The following OSBPL9 variants were observed in gnomAD, a reference collection of about 807,000 sequenced individuals.
OSBPL9 encodes the protein oxysterol binding protein like 9.
OSBPL9 carries 40 observed loss-of-function variants against 106.6 expected under a neutral mutation model. That is an observed-to-expected ratio of 0.38 (90% CI 0.29 to 0.49). The LOEUF (loss-of-function observed/expected upper bound fraction) is 0.49. OSBPL9 is among the 20% of genes least tolerant of loss of function. The pLI is 0.97. For synonymous variants in OSBPL9, 269 were observed against 295.4 expected, an observed-to-expected ratio of 0.91 and a Z score of 0.92; for missense variants, 609 against 887.2, an observed-to-expected ratio of 0.69 and a Z score of 3.98.
intron 3 of OSBPL9, among the ~76,000 whole-genome samples, chr1:51,682,874 TTTTG>T (rs143302151): frequency 0.011 from 1,710 of 151,730 alleles, 32 homozygotes; most frequent in African/African-American, 0.04. Flanking sequence ...GAGACCAGTT[TTTTG>T]TTTGTTTGTT....
In OSBPL9 at chr1:51,748,602, T is replaced by G. The variant is rs535677778; in HGVS notation, c.492+204T>G. Among the ~76,000 whole-genome samples the G allele has an allele frequency of 1.5e-4, 23 of 152,310 alleles. 1 individual carries two copies. The South Asian group carries it at 3.7e-3, about 25-fold the overall frequency. ...ATAAGCCCCTTAATCGAAATTGACT[T>G]CATGTACCATTTACCTGTTTCTGGT... is the stretch of plus-strand genomic sequence containing the variant. On this transcript the variant is annotated intron_variant, in intron 7 of 23. Coordinates refer to ENST00000428468, the MANE Select transcript of OSBPL9 (RefSeq NM_024586.6).
At chr1:51,620,891 G>A (rs916168053) in intron 1 of OSBPL9, among the ~76,000 whole-genome samples, 3 of 152,080 alleles carry the variant, frequency 2.0e-5, no homozygotes, top group East Asian at 1.9e-4. Context: ...TGATAAGACT[G>A]GTTAATTTTG....
chr1:51,585,464 C>G (rs892318947), intron 1 of OSBPL9, among the ~76,000 whole-genome samples: 1 of 152,092 alleles, frequency 6.6e-6, no homozygotes, highest in African/African-American at 2.4e-5. Flanking sequence ...CTTAAGGCAT[C>G]AGGTACAGGT....
intron 11 of OSBPL9, among the ~76,000 whole-genome samples, chr1:51,762,440 C>T (rs1220007468): frequency 1.3e-5 from 2 of 152,110 alleles, no homozygotes; most frequent in African/African-American, 2.4e-5. Context: ...TGGGATTATA[C>T]AAGCATGAGG....
At chr1:51,530,170 C>CAAAAAA in the OSBPL9 span, among the ~76,000 whole-genome samples, 58 of 11,020 alleles carry the variant, frequency 5.3e-3, 6 homozygotes, top group South Asian at 6.8e-3. Flanking sequence ...GACTCTGTCT[C>CAAAAAA]AAAAAAAAAA....
Position 51,746,706 on chromosome 1 carries a change from G to A in OSBPL9, c.415-4G>A, listed in dbSNP as rs770342949. ...TACTATAACCATTTTTTAAAATCTT[G>A]TAGCTTTTTGATGACAAGCTTCAAA... On this transcript the variant is annotated splice_region_variant and splice_polypyrimidine_tract_variant and intron_variant, in intron 5 of 23. Coordinates refer to ENST00000428468, the MANE Select transcript of OSBPL9 (RefSeq NM_024586.6). 6.2e-7 allele frequency: 1 copy of A among 1,603,954 alleles called. No individual in the cohort carries two copies. Among genetic ancestry groups the A allele is most frequent in the Non-Finnish European group, 8.5e-7 (1 of 1,173,740 alleles).
chr1:51,519,131 C>G, the OSBPL9 span: 1 of 1,151,292 alleles, frequency 8.7e-7, no homozygotes, highest in Non-Finnish European at 1.2e-6. Context: ...AAGAAGTCGG[C>G]GAAGCTGAGG....
intron 1 of OSBPL9, among the ~76,000 whole-genome samples, chr1:51,644,281 A>G (rs746906565): frequency 5.9e-5 from 9 of 152,002 alleles, no homozygotes; most frequent in Non-Finnish European, 1.2e-4. Context: ...GATTGATTGG[A>G]TGGAAGAGAG....
intron 2 of OSBPL9, among the ~76,000 whole-genome samples, chr1:51,665,703 T>G (rs1648292247): frequency 6.6e-6 from 1 of 152,146 alleles, no homozygotes; most frequent in African/African-American, 2.4e-5. Context: ...AGTAGGAGAC[T>G]GTTAGCTAGG....
At chr1:51,712,282 A>T (rs574834778) in intron 3 of OSBPL9, among the ~76,000 whole-genome samples, 1 of 152,164 alleles carries the variant, frequency 6.6e-6, no homozygotes, top group African/African-American at 2.4e-5. Flanking sequence ...CGCGCCTGCA[A>T]TCGCAGGCAC....
the OSBPL9 span, among the ~76,000 whole-genome samples, chr1:51,547,253 T>G: frequency 1.3e-5 from 2 of 152,174 alleles, no homozygotes; most frequent in African/African-American, 4.8e-5. Context: ...CTGGTTATCA[T>G]ATGGAGAGGA....
At chr1:51,576,952 T>C (rs1570525102), upstream of OSBPL9, among the ~76,000 whole-genome samples, 1 of 152,190 alleles carries the variant, frequency 6.6e-6, no homozygotes, top group Admixed American at 6.5e-5. Context: ...TCATGTTGAA[T>C]TGTAATTTCC....
chr1:51,755,651 G>A (rs1365735595), intron 8 of OSBPL9, among the ~76,000 whole-genome samples: 1 of 152,200 alleles, frequency 6.6e-6, no homozygotes, highest in African/African-American at 2.4e-5. Flanking sequence ...TTGCGAGATG[G>A]TTTTTGCCCA....
At chr1:51,749,605 C>G in intron 7 of OSBPL9, 2 of 312,730 alleles carry the variant, frequency 6.4e-6, no homozygotes, top group South Asian at 5.3e-5. Context: ...ATCACCATAC[C>G]CAGCCTATCA....
intron 1 of OSBPL9, among the ~76,000 whole-genome samples, chr1:51,646,858 G>A (rs1301834579): frequency 6.6e-6 from 1 of 152,042 alleles, no homozygotes; most frequent in Non-Finnish European, 1.5e-5. Context: ...TATATGGAAG[G>A]TTATGTCTTC....
At chr1:51,736,651 T>C (rs1665772819) in intron 4 of OSBPL9, among the ~76,000 whole-genome samples, 1 of 152,208 alleles carries the variant, frequency 6.6e-6, no homozygotes, top group Non-Finnish European at 1.5e-5. Context: ...ACGTATTTAA[T>C]GTTAATTTTT....
chr1:51,530,205 A>AAAAAAG, the OSBPL9 span, among the ~76,000 whole-genome samples: 3 of 139,890 alleles, frequency 2.1e-5, no homozygotes, highest in African/African-American at 7.9e-5. Flanking sequence ...AAAAAAAAAA[A>AAAAAAG]CCTCTAAGAA....
In OSBPL9 at chr1:51,729,900, G is replaced by A; in HGVS notation, c.319-15636G>A. ...CGCAGTCCGGGGATCGGGTCGAGGG[G>A]AGAAGAAAAAGGGGTGCTCGGGAGC... is the stretch of plus-strand genomic sequence containing the variant. On this transcript the variant is annotated intron_variant, in intron 4 of 23. Coordinates refer to ENST00000428468, the MANE Select transcript of OSBPL9 (RefSeq NM_024586.6). The surrounding 1 kb of genome is among the most constrained non-coding windows in gnomAD (Gnocchi z 5.1). The A allele has an allele frequency of 7.8e-7, 1 of 1,276,058 alleles. No homozygotes were observed. The highest frequency in any genetic ancestry group is 1.5e-5 in the African/African-American group (1 of 65,602). The allele number at this position is 1,276,058 out of a possible 1,614,324, so 79.0% of individuals were successfully genotyped here. A position where few individuals can be genotyped will look rare whatever the true frequency, so the allele number is the denominator to read the frequency against.
chr1:51,729,644 T>C lies in OSBPL9; in HGVS notation c.318+15565T>C. The C allele has an allele frequency of 6.8e-6, 2 of 295,628 alleles. No homozygotes were observed. The highest frequency in any genetic ancestry group is 3.1e-4 in the South Asian group (2 of 6,526). The allele number at this position is 295,628 out of a possible 1,614,324, so 18.3% of individuals were successfully genotyped here. On this transcript the variant is annotated intron_variant, in intron 4 of 23. Coordinates refer to ENST00000428468, the MANE Select transcript of OSBPL9 (RefSeq NM_024586.6). The surrounding 1 kb of genome is among the most constrained non-coding windows in gnomAD (Gnocchi z 5.1). The stretch of plus-strand genomic sequence containing the variant: ...CGCACCCCTCCCGCGAGCTGCCAGC[T>C]CCCTCGGCCTCTCCACCCAAAACTG...
Sources: allele counts gnomAD v4.1 joint callset (sites outside exome capture counted in the v4.1 genomes callset), GRCh38; gene constraint gnomAD v4.1.1; non-coding constraint Gnocchi (gnomAD v3.1); transcripts MANE v1.5; gene names NCBI Gene and HGNC (gene_info 2026-07-23, HGNC 2026-07-21).